ZRANB3: variants seen among roughly 807,000 people sequenced by gnomAD.
ZRANB3 encodes the protein zinc finger RANBP2-type containing 3.
In ZRANB3, 125 loss-of-function variants were observed where a neutral mutation model predicts 133.8. That is an observed-to-expected ratio of 0.93 (90% CI 0.81 to 1.08). The LOEUF (loss-of-function observed/expected upper bound fraction) is 1.08, where lower values mean the gene tolerates loss of function less well. Ranked by LOEUF, ZRANB3 falls within the 50% of genes least tolerant of loss-of-function variation. The pLI, the probability that ZRANB3 is intolerant of heterozygous loss-of-function variation, is 0.00. For synonymous variants in ZRANB3, 387 were observed against 432.7 expected (o/e 0.89, Z 1.31); for missense variants, 1,229 against 1,275.5 (o/e 0.96, Z 0.56).
At chr2:135,405,055 G>A (rs1687942597) in intron 2 of ZRANB3, among the ~76,000 whole-genome samples, 1 of 152,160 alleles carries the variant, frequency 6.6e-6, no homozygotes, top group South Asian at 2.1e-4. Context: ...ACCCATCAGT[G>A]TGCTGTATTC....
At chr2:135,421,465 T>C (rs1329600381) in intron 2 of ZRANB3, among the ~76,000 whole-genome samples, 5 of 152,162 alleles carry the variant, frequency 3.3e-5, no homozygotes, top group Non-Finnish European at 5.9e-5. Context: ...TGGTATGAAA[T>C]TTCTATAAAG....
Position 135,390,859 on chromosome 2 carries a change from A to C in ZRANB3, c.162-39T>G, listed in dbSNP as rs1381633196. 2.7e-6 allele frequency: 4 copies of C among 1,503,048 alleles called. No homozygotes were observed. The South Asian group carries it at 5.3e-5, about 20-fold the overall frequency. The allele number at this position is 1,503,048 out of a possible 1,614,324, so 93.1% of individuals were successfully genotyped here. A position where few individuals can be genotyped will look rare whatever the true frequency, so the allele number is the denominator to read the frequency against. The stretch of plus-strand genomic sequence containing the variant: ...AAAAAAAAAATTAATTATCAGAGTG[A>C]ACCTTTTTCCTTTTTTTTTTGAGAT... On this transcript the variant is annotated intron_variant, in intron 2 of 20. Transcript: ENST00000264159.
chr2:135,366,357 G>A (rs1219184895), intron 3 of ZRANB3, among the ~76,000 whole-genome samples: 3 of 151,752 alleles, frequency 2.0e-5, no homozygotes, highest in Non-Finnish European at 2.9e-5. Context: ...TTACTAAATC[G>A]TTACATAAAA....
chr2:135,473,847 CTT>C (rs1691385150), intron 2 of ZRANB3, among the ~76,000 whole-genome samples: 1 of 152,128 alleles, frequency 6.6e-6, no homozygotes, highest in Admixed American at 6.6e-5. Context: ...AAAAATATCA[CTT>C]TTTATAGAAG....
At chr2:135,360,475 G>C in intron 3 of ZRANB3, among the ~76,000 whole-genome samples, 1 of 151,950 alleles carries the variant, frequency 6.6e-6, no homozygotes, top group Non-Finnish European at 1.5e-5. Context: ...GGAGGCCAAG[G>C]TGGGCGGATC....
intron 6 of ZRANB3, among the ~76,000 whole-genome samples, chr2:135,328,933 A>C (rs547146079): frequency 2.6e-5 from 4 of 152,200 alleles, no homozygotes; most frequent in African/African-American, 9.6e-5. Context: ...AAATTTGTTT[A>C]AGTTCTTTGC....
At chr2:135,205,210 C>T (rs766553809) in intron 19 of ZRANB3, among the ~76,000 whole-genome samples, 4 of 152,088 alleles carry the variant, frequency 2.6e-5, no homozygotes, top group Non-Finnish European at 5.9e-5. Flanking sequence ...GGAATTCATC[C>T]AATATTTTAG....
At chr2:135,221,953 A>G (rs986252820) in intron 15 of ZRANB3, among the ~76,000 whole-genome samples, 3 of 152,224 alleles carry the variant, frequency 2.0e-5, no homozygotes, top group African/African-American at 7.2e-5. Flanking sequence ...ATATTATTAC[A>G]TGGTACACTA....
chr2:135,353,011 AAACT>A (rs1685277083), intron 4 of ZRANB3, among the ~76,000 whole-genome samples: 1 of 152,160 alleles, frequency 6.6e-6, no homozygotes, highest in Non-Finnish European at 1.5e-5. Context: ...AAGGAAAATC[AAACT>A]TACTAATGAG....
At chr2:135,246,051 T>C (rs2105089408) in intron 12 of ZRANB3, among the ~76,000 whole-genome samples, 1 of 144,888 alleles carries the variant, frequency 6.9e-6, no homozygotes, top group African/African-American at 2.5e-5. Context: ...TTTTTTTTTT[T>C]TTTTTGAGAC....
chr2:135,309,183 G>A (rs905776557), intron 8 of ZRANB3, among the ~76,000 whole-genome samples: 6 of 151,832 alleles, frequency 4.0e-5, no homozygotes, highest in East Asian at 1.9e-4. Flanking sequence ...GGGTTTCACC[G>A]TGTTAGCCAG....
At chr2:135,373,411 G>T (rs1415954450) in intron 3 of ZRANB3, among the ~76,000 whole-genome samples, 2 of 152,096 alleles carry the variant, frequency 1.3e-5, no homozygotes, top group African/African-American at 4.8e-5. Context: ...TTACTTTTTA[G>T]ATAGACTTGA....
chr2:135,354,617 C>A (rs1044348257), intron 3 of ZRANB3, among the ~76,000 whole-genome samples: 18 of 152,078 alleles, frequency 1.2e-4, no homozygotes, highest in Non-Finnish European at 2.2e-4. Flanking sequence ...TGAACTCATG[C>A]TCTACACAAC....
intron 2 of ZRANB3, among the ~76,000 whole-genome samples, chr2:135,421,161 C>G (rs555964725): frequency 1.3e-5 from 2 of 152,190 alleles, no homozygotes; most frequent in East Asian, 3.9e-4. Flanking sequence ...AAGCAATTAA[C>G]AATGAATTTG....
intron 6 of ZRANB3, among the ~76,000 whole-genome samples, chr2:135,330,715 C>T (rs551617418): frequency 6.6e-6 from 1 of 152,006 alleles, no homozygotes; most frequent in Admixed American, 6.6e-5. Context: ...CTATTTTTGC[C>T]TCAATTTCAG....
At chr2:135,293,068 G>A (rs1681845319) in intron 8 of ZRANB3, among the ~76,000 whole-genome samples, 1 of 151,964 alleles carries the variant, frequency 6.6e-6, no homozygotes, top group Non-Finnish European at 1.5e-5. Context: ...GGATTGACTT[G>A]GCAATGTGGG....
rs113616975 is a variant in ZRANB3 at position 135,429,731 on chromosome 2, C to T, written c.162-38911G>A. Among the ~76,000 whole-genome samples, 462 of 152,046 alleles carry T rather than the reference C, an allele frequency of 3.0e-3. 3 individuals are homozygous for T. The highest frequency in any genetic ancestry group is 0.01 in the African/African-American group (423 of 41,488). ...AACATACATACATTATTTAGAGATA[C>T]GGGAAACGGTAGAGAGAAAGATTAA... On this transcript the variant is annotated intron_variant, in intron 2 of 20. Transcript: ENST00000264159.
chr2:135,505,805 A>C (rs1288666208), intron 1 of ZRANB3, among the ~76,000 whole-genome samples: 1 of 152,214 alleles, frequency 6.6e-6, no homozygotes, highest in Non-Finnish European at 1.5e-5. Flanking sequence ...AAAATTAGCA[A>C]ATAAATAAAT....
chr2:135,229,680 A>G (rs1694909852), intron 13 of ZRANB3, among the ~76,000 whole-genome samples: 1 of 152,158 alleles, frequency 6.6e-6, no homozygotes. Flanking sequence ...AATATTTTGA[A>G]GAGTTAATGT....
Sources: allele counts gnomAD v4.1 joint callset (sites outside exome capture counted in the v4.1 genomes callset), GRCh38; gene constraint gnomAD v4.1.1; transcripts MANE v1.5; gene names NCBI Gene and HGNC (gene_info 2026-07-23, HGNC 2026-07-21).